Variants in NRG3 observed in about 807,000 individuals in gnomAD.
NRG3 encodes the protein pro-neuregulin-3, membrane-bound isoform.
NRG3 carries 31 observed loss-of-function variants against 66.9 expected under a neutral mutation model. The ratio of observed to expected loss-of-function variants is 0.46; its 90% CI spans 0.35 to 0.63. The LOEUF (loss-of-function observed/expected upper bound fraction) is 0.63, where lower values mean the gene tolerates loss of function less well. NRG3 is among the 20% of genes least tolerant of loss of function. The pLI, the probability that NRG3 is intolerant of heterozygous loss-of-function variation, is 0.00. For missense variants in NRG3, 910 were observed against 878.9 expected (o/e 1.04, Z -0.45); for synonymous variants, 393 against 359.4 (o/e 1.09, Z -1.06).
intron 2 of NRG3, among the ~76,000 whole-genome samples, chr10:82,657,101 A>G (rs2051931119): frequency 6.6e-6 from 1 of 152,196 alleles, no homozygotes; most frequent in Admixed American, 6.5e-5. Context: ...GACCAACCTT[A>G]GAAAAGCCTT....
chr10:81,956,660 A>G (rs1369550332), intron 1 of NRG3, among the ~76,000 whole-genome samples: 2 of 152,126 alleles, frequency 1.3e-5, no homozygotes, highest in East Asian at 1.9e-4. Context: ...TTTACTATAG[A>G]TGACTCCTAA....
chr10:82,699,243 G>A (rs1167501668), intron 2 of NRG3, among the ~76,000 whole-genome samples: 1 of 127,944 alleles, frequency 7.8e-6, no homozygotes, highest in Non-Finnish European at 1.6e-5. Context: ...AATAAAAGAA[G>A]GAAAGAGGGA....
intron 2 of NRG3, among the ~76,000 whole-genome samples, chr10:82,502,798 T>C (rs1329999510): frequency 6.6e-6 from 1 of 152,212 alleles, no homozygotes; most frequent in Non-Finnish European, 1.5e-5. Context: ...TTTATGAATT[T>C]CATTTATATA....
intron 2 of NRG3, among the ~76,000 whole-genome samples, chr10:82,671,666 G>T (rs1591106894): frequency 6.6e-6 from 1 of 152,144 alleles, no homozygotes; most frequent in East Asian, 1.9e-4. Context: ...TTCATCCTTT[G>T]TAAAATGAGG....
intron 2 of NRG3, among the ~76,000 whole-genome samples, chr10:82,440,033 TTATATTAAGGTAAGTAGAGCA>T (rs1435104383): frequency 6.6e-6 from 1 of 152,094 alleles, no homozygotes; most frequent in African/African-American, 2.4e-5. Flanking sequence ...GTATAATCTC[TTATATTAAGGTAAGTAGAGCA>T]TATCTGGAAA....
chr10:82,786,422 G>A (rs759221170), intron 3 of NRG3, among the ~76,000 whole-genome samples: 16 of 152,134 alleles, frequency 1.1e-4, no homozygotes, highest in Non-Finnish European at 1.9e-4. Flanking sequence ...TGGGGCCTGT[G>A]ATTTCTCTTT....
At chr10:82,501,647 T>A (rs556769984) in intron 2 of NRG3, among the ~76,000 whole-genome samples, 1 of 152,158 alleles carries the variant, frequency 6.6e-6, no homozygotes, top group African/African-American at 2.4e-5. Flanking sequence ...CTCTAAAATA[T>A]TATTTTCCCA....
At chr10:82,060,824 T>C (rs893641039) in intron 1 of NRG3, among the ~76,000 whole-genome samples, 4 of 152,112 alleles carry the variant, frequency 2.6e-5, no homozygotes, top group Admixed American at 2.6e-4. Context: ...AACCTCTTTC[T>C]CCCAGTAACT....
At chr10:82,052,712 C>T (rs1316513963) in intron 1 of NRG3, among the ~76,000 whole-genome samples, 2 of 151,896 alleles carry the variant, frequency 1.3e-5, no homozygotes, top group African/African-American at 4.8e-5. Context: ...GTAAGTGGAG[C>T]TCATGATAAT....
intron 1 of NRG3, among the ~76,000 whole-genome samples, chr10:81,933,122 AAAAG>A (rs1847541795): frequency 1.3e-5 from 2 of 151,686 alleles, no homozygotes; most frequent in Non-Finnish European, 2.9e-5. Flanking sequence ...AAAAAAAAAA[AAAAG>A]AAAAGAAAAA....
At chr10:82,231,861 A>G (rs1330478912) in intron 1 of NRG3, among the ~76,000 whole-genome samples, 1 of 152,186 alleles carries the variant, frequency 6.6e-6, no homozygotes, top group African/African-American at 2.4e-5. Context: ...ATTTTTAGTT[A>G]AACAGTTTTC....
At chr10:82,829,289 G>T (rs938369368) in intron 3 of NRG3, among the ~76,000 whole-genome samples, 1 of 152,086 alleles carries the variant, frequency 6.6e-6, no homozygotes, top group African/African-American at 2.4e-5. Flanking sequence ...TACCTACCTT[G>T]CCTTTGTCAC....
intron 3 of NRG3, among the ~76,000 whole-genome samples, chr10:82,834,763 GC>G (rs1184263912): frequency 6.6e-6 from 1 of 152,142 alleles, no homozygotes. Flanking sequence ...GTTGGGACAT[GC>G]TAATTCCTCC....
chr10:82,361,976 T>C (rs1489960287), intron 2 of NRG3, among the ~76,000 whole-genome samples: 3 of 151,068 alleles, frequency 2.0e-5, no homozygotes, highest in East Asian at 3.9e-4. Flanking sequence ...TTTTTCTGTG[T>C]TGTGAAAATA....
chr10:82,753,859 A>G (rs1204436043), intron 3 of NRG3, among the ~76,000 whole-genome samples: 1 of 151,542 alleles, frequency 6.6e-6, no homozygotes, highest in African/African-American at 2.4e-5. Context: ...AGGCAGGAGA[A>G]TTGCTTGAGC....
At position 82,562,594 on chromosome 10, in the gene NRG3, A is replaced by G. The variant is rs779285031; in HGVS notation, c.954-175983A>G. The stretch of plus-strand genomic sequence containing the variant: ...CAGATAGTCACTACTTTTAAAAGCA[A>G]ATAGTTCTATTGGTCATGGCAACTC... On this transcript the variant is annotated intron_variant, in intron 2 of 8. Coordinates refer to ENST00000372141, the MANE Select transcript of NRG3 (RefSeq NM_001010848.4). Among the ~76,000 whole-genome samples the G allele has an allele frequency of 8.5e-5, 13 of 152,200 alleles. 2 individuals are homozygous for G.
At chr10:82,620,222 G>T (rs983229469) in intron 2 of NRG3, among the ~76,000 whole-genome samples, 2 of 152,132 alleles carry the variant, frequency 1.3e-5, no homozygotes, top group Admixed American at 6.5e-5. Flanking sequence ...GCCTTGTCGC[G>T]TGGGGCTGCT....
intron 1 of NRG3, among the ~76,000 whole-genome samples, chr10:82,125,265 G>A (rs953037468): frequency 6.6e-6 from 1 of 151,954 alleles, no homozygotes; most frequent in Non-Finnish European, 1.5e-5. Flanking sequence ...GTGTTTATGT[G>A]TGTGTGTGTG....
intron 2 of NRG3, among the ~76,000 whole-genome samples, chr10:82,515,946 G>A (rs533402454): frequency 2.4e-4 from 36 of 152,234 alleles, no homozygotes; most frequent in African/African-American, 7.0e-4. Flanking sequence ...CTGATCATGC[G>A]TGCTTTCAGG....
Sources: allele counts gnomAD v4.1 joint callset (sites outside exome capture counted in the v4.1 genomes callset), GRCh38; gene constraint gnomAD v4.1.1; transcripts MANE v1.5; gene names NCBI Gene and HGNC (gene_info 2026-07-23, HGNC 2026-07-21).